Variants in ITGA9 observed in about 807,000 individuals in gnomAD.
ITGA9 encodes the protein integrin alpha-9.
Under a neutral mutation model 127.8 loss-of-function variants are expected in ITGA9, and 56 were observed. The observed-to-expected ratio is 0.44, with a 90% CI of 0.35 to 0.55. The LOEUF is 0.55. Ranked by LOEUF, ITGA9 falls within the 20% of genes least tolerant of loss-of-function variation. The pLI is 0.00. For missense variants in ITGA9, 1,196 were observed against 1,347.1 expected, an observed-to-expected ratio of 0.89 and a Z score of 1.76; for synonymous variants, 508 against 514.5, an observed-to-expected ratio of 0.99 and a Z score of 0.17.
At chr3:37,611,848 A>C (rs1700019637) in intron 15 of ITGA9, among the ~76,000 whole-genome samples, 1 of 152,010 alleles carries the variant, frequency 6.6e-6, no homozygotes, top group Non-Finnish European at 1.5e-5. Context: ...AGAACACTGC[A>C]TGGAGCCCAG....
chr3:37,645,984 G>A (rs1700372720), intron 16 of ITGA9, among the ~76,000 whole-genome samples: 1 of 152,150 alleles, frequency 6.6e-6, no homozygotes, highest in South Asian at 2.1e-4. Context: ...CCCTGGCCTT[G>A]GTGACCATGG....
chr3:37,741,875 T>C, intron 21 of ITGA9, 56 bp downstream of exon 21: 2 of 1,362,686 alleles, frequency 1.5e-6, no homozygotes, highest in South Asian at 2.4e-5. Context: ...AGTGGAACAC[T>C]GTGCTTCTCA....
At chr3:37,521,655 C>T (rs1287178708) in intron 11 of ITGA9, among the ~76,000 whole-genome samples, 1 of 152,204 alleles carries the variant, frequency 6.6e-6, no homozygotes, top group African/African-American at 2.4e-5. Flanking sequence ...GCCTGCATCA[C>T]CACCCCAGAT....
intron 1 of ITGA9, among the ~76,000 whole-genome samples, chr3:37,464,006 CTTAA>C: frequency 6.6e-6 from 1 of 152,020 alleles, no homozygotes; most frequent in East Asian, 1.9e-4. Flanking sequence ...ATGAGGATTA[CTTAA>C]TTGTTTTGAG....
In ITGA9 at chr3:37,680,103, G is replaced by A. The variant is rs530539299; in HGVS notation, c.1917-3762G>A. Among the ~76,000 whole-genome samples, 3 of 152,200 alleles carry A rather than the reference G, an allele frequency of 2.0e-5. No individual in the cohort carries two copies. The East Asian group carries it at 5.8e-4, about 29-fold the overall frequency. ...AGAGGAATGAGTTTTGAAGGGATAG[G>A]AGTTGCTGGGTTCTCATACCAGCAC... On this transcript the variant is annotated intron_variant, in intron 17 of 27. Coordinates refer to ENST00000264741, the MANE Select transcript of ITGA9 (RefSeq NM_002207.3).
chr3:37,506,131 G>C (rs779690208), intron 7 of ITGA9, 46 bp downstream of exon 7: 1 of 1,346,374 alleles, frequency 7.4e-7, no homozygotes, highest in Admixed American at 1.9e-5. Context: ...ACAGAAGAGG[G>C]GAGCATGCTG....
At chr3:37,625,404 A>G (rs962251820) in intron 15 of ITGA9, among the ~76,000 whole-genome samples, 1 of 152,182 alleles carries the variant, frequency 6.6e-6, no homozygotes, top group African/African-American at 2.4e-5. Context: ...TAAGTTCCCT[A>G]TAAAACCTCA....
intron 17 of ITGA9, among the ~76,000 whole-genome samples, chr3:37,670,002 C>T (rs926987605): frequency 7.2e-5 from 11 of 152,090 alleles, no homozygotes; most frequent in Admixed American, 6.5e-4. Context: ...ACTGGACTCT[C>T]CTTTAAGAAA....
rs1698211617 is a variant in ITGA9 at position 37,452,870 on chromosome 3, C to CTTCA, written c.185+312_185+315dup. Among the ~76,000 whole-genome samples, 1 of 152,188 alleles carries CTTCA rather than the reference C, an allele frequency of 6.6e-6. No individual in the cohort carries two copies. Among genetic ancestry groups the CTTCA allele is most frequent in the South Asian group, 2.1e-4 (1 of 4,834 alleles). ...TCCTCCGCCGCCCAGCTAGACTCGG[C>CTTCA]TTCACTCTCTGAATCGAAAAGTAAC... On this transcript the variant is annotated intron_variant, in intron 1 of 27. Coordinates refer to ENST00000264741, the MANE Select transcript of ITGA9 (RefSeq NM_002207.3). The surrounding 1 kb of genome is among the most constrained non-coding windows in gnomAD (Gnocchi z 7.3).
At chr3:37,798,592 G>A (rs1559602033) in intron 26 of ITGA9, among the ~76,000 whole-genome samples, 1 of 152,182 alleles carries the variant, frequency 6.6e-6, no homozygotes, top group Non-Finnish European at 1.5e-5. Flanking sequence ...ACTGGTGGAG[G>A]TCCCAAATTC....
At chr3:37,813,462 C>T (rs534703116) in intron 27 of ITGA9, among the ~76,000 whole-genome samples, 2 of 152,246 alleles carry the variant, frequency 1.3e-5, no homozygotes, top group African/African-American at 2.4e-5. Flanking sequence ...ATGACAAAAA[C>T]CTTGCTAAAT....
chr3:37,791,032 C>T (rs905344563), intron 26 of ITGA9: 6 of 152,078 alleles, frequency 3.9e-5, no homozygotes, highest in Non-Finnish European at 7.4e-5. Flanking sequence ...GCTCCGGAGA[C>T]GTTCATCTGT....
chr3:37,635,678 G>A (rs893507920), intron 16 of ITGA9, among the ~76,000 whole-genome samples: 26 of 150,278 alleles, frequency 1.7e-4, no homozygotes, highest in Admixed American at 1.1e-3. Context: ...TGTGCACAAC[G>A]TGCAGGTTTG....
At chr3:37,788,730 T>C (rs1465569590) in intron 26 of ITGA9, among the ~76,000 whole-genome samples, 3 of 152,188 alleles carry the variant, frequency 2.0e-5, no homozygotes, top group Non-Finnish European at 4.4e-5. Context: ...TTCTACTTGA[T>C]ATTTTTTCTC....
At chr3:37,562,423 T>A (rs1417442946) in intron 15 of ITGA9, among the ~76,000 whole-genome samples, 1 of 152,226 alleles carries the variant, frequency 6.6e-6, no homozygotes, top group African/African-American at 2.4e-5. Context: ...TATACCTTTA[T>A]TCCTCTTTAG....
chr3:37,714,607 C>G (rs1701114488), intron 18 of ITGA9, among the ~76,000 whole-genome samples: 1 of 152,196 alleles, frequency 6.6e-6, no homozygotes, highest in Non-Finnish European at 1.5e-5. Context: ...AAGGAAGCCA[C>G]CAGTGTTTCT....
chr3:37,742,733 C>A (rs1259155022), intron 21 of ITGA9, among the ~76,000 whole-genome samples: 1 of 152,164 alleles, frequency 6.6e-6, no homozygotes, highest in Non-Finnish European at 1.5e-5. Flanking sequence ...TGATCCCTTG[C>A]AGGGAGAGCC....
rs746086110 is a variant in ITGA9, at chr3:37,784,962, T to C, written c.2788-15T>C. ...TAGAAAAATCTTCAAGTAAGTTGTG[T>C]TGTTTCTTCCACAGGACAGTTCGTC... On this transcript the variant is annotated splice_polypyrimidine_tract_variant and intron_variant, in intron 25 of 27. Transcript: ENST00000264741. 1.2e-6 allele frequency: 2 copies of C among 1,602,418 alleles called. No individual in the cohort carries two copies. Among genetic ancestry groups the C allele is most frequent in the Non-Finnish European group, 8.6e-7 (1 of 1,169,320 alleles).
At chr3:37,796,048 T>A (rs1453584973) in intron 26 of ITGA9, among the ~76,000 whole-genome samples, 2 of 152,182 alleles carry the variant, frequency 1.3e-5, no homozygotes, top group Admixed American at 6.5e-5. Context: ...ATCATGAACA[T>A]CTTCCCGCTG....
Sources: gnomAD v4.1 joint callset for allele counts (sites outside exome capture counted in the v4.1 genomes callset) on GRCh38, gnomAD v4.1.1 for gene constraint, Gnocchi (gnomAD v3.1) non-coding constraint, MANE v1.5 for transcripts, NCBI Gene and HGNC (gene_info 2026-07-23, HGNC 2026-07-21) for gene names.